Variants in DERA observed in about 807,000 individuals in gnomAD.
The protein encoded by DERA is 2-deoxy-D-ribose 5-phosphate aldolase.
Under a neutral mutation model 41.1 loss-of-function variants are expected in DERA, and 15 were observed. The observed-to-expected ratio is 0.37, with a 90% CI of 0.24 to 0.56. The LOEUF is 0.56. Ranked by LOEUF, DERA falls within the 20% of genes least tolerant of loss-of-function variation. The pLI is 0.81. For synonymous variants in DERA, 139 were observed against 137.4 expected, an observed-to-expected ratio of 1.01 and a Z score of -0.08; for missense variants, 396 against 403.4, an observed-to-expected ratio of 0.98 and a Z score of 0.16.
rs1565588744 is a variant in DERA, at chr12:15,936,942, T to TCCCGTCCCGTCCCGTCCCGTCCC, written c.32-19994_32-19993insCCCGTCCCGTCCCGTCCCGTCCC. 2.7e-5 allele frequency among the ~76,000 whole-genome samples: 4 copies of TCCCGTCCCGTCCCGTCCCGTCCC among 148,862 alleles called. No individual in the cohort carries two copies. The highest frequency in any genetic ancestry group is 1.0e-4 in the African/African-American group (4 of 39,686). On this transcript the variant is annotated intron_variant, in intron 1 of 8. Transcript: ENST00000428559. The surrounding 1 kb of genome is among the most constrained non-coding windows in gnomAD (Gnocchi z 4.6). ...TGTCCTGTCCTGTCCTGTCTTGTCC[T>TCCCGTCCCGTCCCGTCCCGTCCC]GTCCCGTCCTGTCCTGCCCTGCCCT... is the stretch of plus-strand genomic sequence containing the variant.
At chr12:15,916,400 T>C (rs937268006) in intron 1 of DERA, 3 of 152,134 alleles carry the variant, frequency 2.0e-5, no homozygotes, top group African/African-American at 7.2e-5. Flanking sequence ...CATACTCCAG[T>C]CTTTGGGCTG....
At chr12:15,950,587 GC>G (rs1248238817) in intron 1 of DERA, among the ~76,000 whole-genome samples, 1 of 152,182 alleles carries the variant, frequency 6.6e-6, no homozygotes, top group African/African-American at 2.4e-5. Flanking sequence ...CAGCCCCTGT[GC>G]AAGATGGAAT....
In DERA at chr12:15,935,474, G is replaced by A. The variant is rs1592005718; in HGVS notation, c.32-21462G>A. ...TGCACTCCAGCCTGGGCAACAGAGT[G>A]AGACCCTGTCTCAAAAAAATAAAAA... On this transcript the variant is annotated intron_variant, in intron 1 of 8. Transcript: ENST00000428559. The surrounding 1 kb of genome is among the most constrained non-coding windows in gnomAD (Gnocchi z 4.8). 6.6e-6 allele frequency among the ~76,000 whole-genome samples: 1 copy of A among 152,042 alleles called. No homozygotes were observed. Among genetic ancestry groups the A allele is most frequent in the Admixed American group, 6.5e-5 (1 of 15,268 alleles).
At position 16,026,081 on chromosome 12, in the gene DERA, T is replaced by C. The variant is rs1345257129; in HGVS notation, c.638-6461T>C. 6.6e-6 allele frequency among the ~76,000 whole-genome samples: 1 copy of C among 152,108 alleles called. No homozygotes were observed. Among genetic ancestry groups the C allele is most frequent in the Non-Finnish European group, 1.5e-5 (1 of 67,970 alleles). On this transcript the variant is annotated intron_variant, in intron 6 of 8. Transcript: ENST00000428559. This position sits in a 1 kb window ranked among gnomAD's most constrained non-coding sequence, Gnocchi z 4.4. ...AAAGAAATGTATGGCATTAGATGCA[T>C]ATATTAGAAAAGAATAAAGTCAATA...
Position 15,919,290 on chromosome 12 carries a change from G to A in DERA, c.31+7876G>A, listed in dbSNP as rs141323714. ...TTTTTTTTAAAAAGCATCTAAGCCC[G>A]GTGGATTTTGATTATTAGGAAGGAA... On this transcript the variant is annotated intron_variant, in intron 1 of 8. Coordinates refer to ENST00000428559, the MANE Select transcript of DERA (RefSeq NM_015954.4). 4.6e-3 allele frequency among the ~76,000 whole-genome samples: 692 copies of A among 151,848 alleles called. 5 individuals are homozygous for A. The highest frequency in any genetic ancestry group is 0.015 in the South Asian group (72 of 4,812).
chr12:16,000,261 A>C lies in DERA; in HGVS notation c.637+17825A>C, dbSNP rs1212794949. 6.6e-6 allele frequency among the ~76,000 whole-genome samples: 1 copy of C among 152,218 alleles called. No homozygotes were observed. The highest frequency in any genetic ancestry group is 2.4e-5 in the African/African-American group (1 of 41,458). On this transcript the variant is annotated intron_variant, in intron 6 of 8. Coordinates refer to ENST00000428559, the MANE Select transcript of DERA (RefSeq NM_015954.4). The surrounding 1 kb of genome is among the most constrained non-coding windows in gnomAD (Gnocchi z 4.8). ...CATTCTATTATTGGTTTATTGCAGA[A>C]CATAGCGCAGTCTAACCGCTTTTCC...
chr12:15,957,918 G>A lies in DERA; in HGVS notation c.130-270G>A, dbSNP rs61461066. Among the ~76,000 whole-genome samples the A allele has an allele frequency of 0.019, 2,820 of 152,160 alleles. 96 individuals carry two copies. Among genetic ancestry groups the A allele is most frequent in the African/African-American group, 0.063 (2,616 of 41,488 alleles). ...GAGTAGTCAGAAGTGGGGAGACATG[G>A]GCTAATAGGGGTTTCAATTTGGGAT... On this transcript the variant is annotated intron_variant, in intron 2 of 8. Transcript: ENST00000428559. This position sits in a 1 kb window ranked among gnomAD's most constrained non-coding sequence, Gnocchi z 4.8.
At chr12:15,956,780 A>G (rs1246520448) in intron 1 of DERA, 156 bp from the exon 2 acceptor site, 1 of 727,224 alleles carries the variant, frequency 1.4e-6, no homozygotes, top group African/African-American at 1.7e-5. Flanking sequence ...TCCATCAATA[A>G]GGTTGTTTAT....
At position 16,017,510 on chromosome 12, in the gene DERA, C is replaced by T. The variant is rs1173855127; in HGVS notation, c.638-15032C>T. ...GCATGTCTTTGTGGAATCACAGTCT[C>T]CAGATTTAGTATTAGTATCACATTG... is the stretch of plus-strand genomic sequence containing the variant. On this transcript the variant is annotated intron_variant, in intron 6 of 8. Coordinates refer to ENST00000428559, the MANE Select transcript of DERA (RefSeq NM_015954.4). The surrounding 1 kb of genome is among the most constrained non-coding windows in gnomAD (Gnocchi z 5.5). Among the ~76,000 whole-genome samples, 1 of 152,168 alleles carries T rather than the reference C, an allele frequency of 6.6e-6. No individual in the cohort carries two copies. The highest frequency in any genetic ancestry group is 2.4e-5 in the African/African-American group (1 of 41,446).
rs750868960 is a variant in DERA, at chr12:15,972,433, G to C, written c.508+9486G>C. 6.5e-6 allele frequency: 1 copy of C among 152,740 alleles called. No individual in the cohort carries two copies. Among genetic ancestry groups the C allele is most frequent in the Non-Finnish European group, 1.5e-5 (1 of 68,242 alleles). 9.5% of individuals were successfully genotyped at this position (152,740 alleles called of 1,614,324 possible). A position where few individuals can be genotyped will look rare whatever the true frequency, so the allele number is the denominator to read the frequency against. On this transcript the variant is annotated intron_variant, in intron 5 of 8. Transcript: ENST00000428559. The surrounding 1 kb of genome is among the most constrained non-coding windows in gnomAD (Gnocchi z 4.4). ...CTGCACACATCCCAGCCAGCTGGCT[G>C]TCCCGCAGGGCCCCCTTGCAATGCA...
chr12:15,991,258 T>G (rs1451599268), intron 6 of DERA, among the ~76,000 whole-genome samples: 5 of 152,246 alleles, frequency 3.3e-5, no homozygotes, highest in African/African-American at 1.2e-4. Flanking sequence ...TGTCTTCTTT[T>G]GAAAAGTGCC....
chr12:15,974,141 T>C (rs919415058), intron 5 of DERA, among the ~76,000 whole-genome samples: 2 of 152,308 alleles, frequency 1.3e-5, no homozygotes, highest in East Asian at 1.9e-4. Context: ...GTTCACCTGT[T>C]ACCCTTAAAT....
At chr12:15,962,664 A>C (rs1592021741) in intron 4 of DERA, 149 bp from the exon 5 acceptor site, 6 of 596,902 alleles carry the variant, frequency 1.0e-5, no homozygotes, top group Non-Finnish European at 1.5e-5. Flanking sequence ...GTGTCAGTGC[A>C]TTGGTCTTTA....
At position 15,943,006 on chromosome 12, in the gene DERA, A is replaced by T. The variant is rs1948419501; in HGVS notation, c.32-13930A>T. ...TAGTTGGACCATATTGGGAAGAGCTATCAAATTTGACTTCAGTAGTTACTT... is the reference window on the plus strand; with the variant it reads ...TAGTTGGACCATATTGGGAAGAGCTTTCAAATTTGACTTCAGTAGTTACTT... On this transcript the variant is annotated intron_variant, in intron 1 of 8. Transcript: ENST00000428559. The surrounding 1 kb of genome is among the most constrained non-coding windows in gnomAD (Gnocchi z 4.5). Among the ~76,000 whole-genome samples, 1 of 152,196 alleles carries T rather than the reference A, an allele frequency of 6.6e-6. No individual in the cohort carries two copies. Among genetic ancestry groups the T allele is most frequent in the Admixed American group, 6.5e-5 (1 of 15,276 alleles).
In DERA at chr12:15,983,383, C is replaced by T. The variant is rs903162060; in HGVS notation, c.637+947C>T. 2.0e-5 allele frequency among the ~76,000 whole-genome samples: 3 copies of T among 152,194 alleles called. No homozygotes were observed. The highest frequency in any genetic ancestry group is 1.3e-4 in the Admixed American group (2 of 15,286). ...CTCCAGCCAGGTAGAGTTACTTGCA[C>T]TTCTCTGCAGATGGTGCCATCCAAC... On this transcript the variant is annotated intron_variant, in intron 6 of 8. Coordinates refer to ENST00000428559, the MANE Select transcript of DERA (RefSeq NM_015954.4). This position sits in a 1 kb window ranked among gnomAD's most constrained non-coding sequence, Gnocchi z 6.2.
chr12:15,953,023 A>G (rs1395193433), intron 1 of DERA, among the ~76,000 whole-genome samples: 2 of 152,196 alleles, frequency 1.3e-5, no homozygotes, highest in Non-Finnish European at 2.9e-5. Flanking sequence ...GATACTGAGC[A>G]GTATCCTTGG....
chr12:15,927,714 A>G (rs1009445776), intron 1 of DERA, among the ~76,000 whole-genome samples: 1 of 152,170 alleles, frequency 6.6e-6, no homozygotes, highest in Non-Finnish European at 1.5e-5. Context: ...CGGAGATTGC[A>G]TTCTCAATCT....
rs1359318967 is a variant in DERA at position 16,017,590 on chromosome 12, G to GT, written c.638-14951dup. Among the ~76,000 whole-genome samples, 5 of 152,118 alleles carry GT rather than the reference G, an allele frequency of 3.3e-5. No individual in the cohort carries two copies. Among genetic ancestry groups the GT allele is most frequent in the African/African-American group, 1.2e-4 (5 of 41,414 alleles). Reference sequence around the variant, plus strand: ...ATGTACTCTGGCCAGTGCTTCAACCGTAACACTGCATCTTTATTATATTGC... The same window carrying GT: ...ATGTACTCTGGCCAGTGCTTCAACCGTTAACACTGCATCTTTATTATATTGC... On this transcript the variant is annotated intron_variant, in intron 6 of 8. Coordinates refer to ENST00000428559, the MANE Select transcript of DERA (RefSeq NM_015954.4). This position sits in a 1 kb window ranked among gnomAD's most constrained non-coding sequence, Gnocchi z 5.5.
chr12:15,986,386 G>T lies in DERA; in HGVS notation c.637+3950G>T, dbSNP rs147228923. 4.2e-3 allele frequency among the ~76,000 whole-genome samples: 641 copies of T among 152,202 alleles called. 8 individuals carry two copies. The highest frequency in any genetic ancestry group is 0.015 in the African/African-American group (604 of 41,540). On this transcript the variant is annotated intron_variant, in intron 6 of 8. Coordinates refer to ENST00000428559, the MANE Select transcript of DERA (RefSeq NM_015954.4). ...CTTGCAAACTTTTTCCTGTTTGTTT[G>T]AATCTATTTTTGGTTCCTCTTTTCT...
Sources: allele counts gnomAD v4.1 joint callset (sites outside exome capture counted in the v4.1 genomes callset), GRCh38; gene constraint gnomAD v4.1.1; non-coding constraint Gnocchi (gnomAD v3.1); transcripts MANE v1.5; gene names NCBI Gene and HGNC (gene_info 2026-07-23, HGNC 2026-07-21).